Variants in COL11A1 observed in about 807,000 individuals in gnomAD.
The protein encoded by COL11A1 is collagen alpha-1(XI) chain.
COL11A1 carries 74 observed loss-of-function variants against 265.2 expected under a neutral mutation model. That is an observed-to-expected ratio of 0.28 (90% CI 0.23 to 0.34). The LOEUF (loss-of-function observed/expected upper bound fraction) is 0.34. COL11A1 is among the 10% of genes least tolerant of loss of function. The pLI, the probability that COL11A1 is intolerant of heterozygous loss-of-function variation, is 1.00. For synonymous variants in COL11A1, 816 were observed against 727.6 expected, an observed-to-expected ratio of 1.12 and a Z score of -1.96; for missense variants, 2,165 against 2,263.6, an observed-to-expected ratio of 0.96 and a Z score of 0.88.
intron 38 of COL11A1, among the ~76,000 whole-genome samples, chr1:102,963,983 T>A (rs374767495): frequency 1.3e-5 from 2 of 152,208 alleles, no homozygotes; most frequent in African/African-American, 4.8e-5. Context: ...TATGGCTACA[T>A]TTAAAATAGG....
At chr1:102,944,081 G>A (rs530996141) in intron 42 of COL11A1, among the ~76,000 whole-genome samples, 6 of 152,096 alleles carry the variant, frequency 3.9e-5, no homozygotes, top group African/African-American at 1.2e-4. Flanking sequence ...TAGGAAGCAG[G>A]GTTGATGGGT....
chr1:103,018,194 C>A (rs2101916682), intron 10 of COL11A1, among the ~76,000 whole-genome samples: 1 of 152,196 alleles, frequency 6.6e-6, no homozygotes, highest in African/African-American at 2.4e-5. Context: ...AAAATTAGAT[C>A]TCAAAAATTT....
chr1:103,021,890 C>G (rs1252029714), intron 8 of COL11A1, 121 bp from the exon 9 acceptor site: 4 of 768,704 alleles, frequency 5.2e-6, no homozygotes, highest in Non-Finnish European at 8.8e-6. Context: ...CTCTGTTGCC[C>G]AGGTTAGAGT....
intron 16 of COL11A1, 56 bp downstream of exon 16, chr1:103,006,206 T>TAAATAAATAAATAAAA (rs1341262008): frequency 5.7e-6 from 8 of 1,394,148 alleles, no homozygotes; most frequent in Middle Eastern, 1.9e-4. Flanking sequence ...AATAAATAAA[T>TAAATAAATAAATAAAA]AAAACTAATG....
chr1:103,043,145 TG>T (rs1668959433), intron 4 of COL11A1, among the ~76,000 whole-genome samples: 2 of 146,400 alleles, frequency 1.4e-5, no homozygotes, highest in Non-Finnish European at 1.5e-5. Flanking sequence ...ATATATATAA[TG>T]AATACCTGAA....
intron 38 of COL11A1, 71 bp from the exon 39 acceptor site, chr1:102,962,831 C>T: frequency 2.2e-6 from 3 of 1,390,208 alleles, no homozygotes; most frequent in Middle Eastern, 3.6e-4. Flanking sequence ...AACTCAAAAA[C>T]AGTATTATTA....
chr1:103,100,332 C>T (rs1392996011), intron 1 of COL11A1: 1 of 151,868 alleles, frequency 6.6e-6, no homozygotes, highest in Admixed American at 6.6e-5. Flanking sequence ...CTTAATGAAA[C>T]CAAGCCAACC....
chr1:103,015,770 T>A, intron 11 of COL11A1, 28 bp from the exon 12 acceptor site: 1 of 1,396,010 alleles, frequency 7.2e-7, no homozygotes, highest in Non-Finnish European at 1.0e-6. Context: ...ATAACCAAAA[T>A]AAATAAATAT....
At chr1:103,101,942 G>C (rs1307519334) in intron 1 of COL11A1, among the ~76,000 whole-genome samples, 1 of 151,986 alleles carries the variant, frequency 6.6e-6, no homozygotes, top group East Asian at 1.9e-4. Context: ...CAAGCAAAGA[G>C]TTTATTTTAC....
At chr1:102,879,394 G>A (rs922446395) in intron 66 of COL11A1, among the ~76,000 whole-genome samples, 2 of 151,962 alleles carry the variant, frequency 1.3e-5, no homozygotes, top group African/African-American at 4.8e-5. Flanking sequence ...TTTCATTTTA[G>A]GAATAACTAG....
At chr1:102,979,635 T>C in intron 31 of COL11A1, 200 bp from the exon 32 acceptor site, 1 of 663,052 alleles carries the variant, frequency 1.5e-6, no homozygotes, top group Non-Finnish European at 2.7e-6. Flanking sequence ...AAAGCACAAA[T>C]TGATAAAACA....
intron 1 of COL11A1, among the ~76,000 whole-genome samples, chr1:103,083,248 C>CTGTGTGTG (rs76992260): frequency 0.034 from 5,071 of 148,134 alleles, 167 homozygotes; most frequent in East Asian, 0.11. Context: ...GTGTCTGTGT[C>CTGTGTGTG]TGTGTGTGTG....
intron 58 of COL11A1, among the ~76,000 whole-genome samples, chr1:102,890,061 C>T (rs1446050930): frequency 6.6e-6 from 1 of 152,080 alleles, no homozygotes; most frequent in African/African-American, 2.4e-5. Flanking sequence ...TGCAACTCAG[C>T]ATAAATTCTA....
chr1:102,906,720 C>A (rs1237340214), intron 54 of COL11A1, among the ~76,000 whole-genome samples: 1 of 149,860 alleles, frequency 6.7e-6, no homozygotes, highest in South Asian at 2.1e-4. Context: ...TTTTTTTTTT[C>A]TTTTTCTTTT....
In COL11A1 at chr1:103,073,485, T is replaced by A. The variant is rs775026225; in HGVS notation, c.651+1133A>T. 1.0e-3 allele frequency among the ~76,000 whole-genome samples: 154 copies of A among 151,812 alleles called. 1 individual carries two copies. Among genetic ancestry groups the A allele is most frequent in the Non-Finnish European group, 1.3e-3 (90 of 67,816 alleles). ...GCAATCAGTGTTGGATATTGGGATA[T>A]CTGAGAGTATATTACCATTATAAAC... is the stretch of plus-strand genomic sequence containing the variant. On this transcript the variant is annotated intron_variant, in intron 4 of 66. Coordinates refer to ENST00000370096, the MANE Select transcript of COL11A1 (RefSeq NM_001854.4).
At position 103,033,445 on chromosome 1, in the gene COL11A1, C is replaced by A. The variant is rs199579558; in HGVS notation, c.652-2201G>T. Among the ~76,000 whole-genome samples the A allele has an allele frequency of 8.5e-5, 13 of 152,070 alleles. No individual in the cohort carries two copies. The East Asian group carries it at 2.3e-3, about 27-fold the overall frequency. On this transcript the variant is annotated intron_variant, in intron 4 of 66. Coordinates refer to ENST00000370096, the MANE Select transcript of COL11A1 (RefSeq NM_001854.4). ...TAGAATTATTATTACTTTATTACAA[C>A]CTTTTTCAAATTAATACTAACTTCA...
At position 103,017,826 on chromosome 1, in the gene COL11A1, G is replaced by A. The variant is rs372322124; in HGVS notation, c.1407C>T (p.Gly469=). 93 of 1,612,466 alleles carry A rather than the reference G, an allele frequency of 5.8e-5. 1 individual carries two copies. In the South Asian group the frequency reaches 8.3e-4, roughly 14 times the overall value. The change falls in exon 11 of 67, where the codon GGC becomes GGT. Residue 469 remains glycine, a synonymous_variant. Coordinates refer to ENST00000370096, the MANE Select transcript of COL11A1 (RefSeq NM_001854.4). ...ATCATGTCCATTCACTTACCCTATCGCCAGGGTCACCAGGGGGTCCAGTGG... is the reference window on the plus strand; with the variant it reads ...ATCATGTCCATTCACTTACCCTATCACCAGGGTCACCAGGGGGTCCAGTGG... The part of the protein sequence containing the change: ...QGPTGPPGDP[G]DRGPPGRPGL...
chr1:103,039,669 T>C (rs1270949640), intron 4 of COL11A1, among the ~76,000 whole-genome samples: 1 of 152,092 alleles, frequency 6.6e-6, no homozygotes, highest in Non-Finnish European at 1.5e-5. Context: ...TAAGTTTCTG[T>C]TATTTAAGCC....
intron 49 of COL11A1, among the ~76,000 whole-genome samples, chr1:102,916,317 A>C (rs12124674): frequency 0.059 from 9,037 of 152,192 alleles, 332 homozygotes; most frequent in Non-Finnish European, 0.085. Context: ...TGGACTAATA[A>C]ATAAATCTCT....
Sources: gnomAD v4.1 joint callset for allele counts (sites outside exome capture counted in the v4.1 genomes callset) on GRCh38, gnomAD v4.1.1 for gene constraint, MANE v1.5 for transcripts, NCBI Gene and HGNC (gene_info 2026-07-23, HGNC 2026-07-21) for gene names.